ABCA1: variants seen among roughly 807,000 people sequenced by gnomAD.
ABCA1 encodes phospholipid-transporting ATPase ABCA1.
ABCA1 carries 133 observed loss-of-function variants against 262.5 expected under a neutral mutation model. The ratio of observed to expected loss-of-function variants is 0.51; its 90% CI spans 0.44 to 0.59. The LOEUF (loss-of-function observed/expected upper bound fraction) is 0.59. Among genes scored for constraint, ABCA1 ranks in the 20% least tolerant of loss-of-function variants. ABCA1 has a pLI of 0.00. For missense variants in ABCA1, 2,452 were observed against 2,777.5 expected, an observed-to-expected ratio of 0.88 and a Z score of 2.63; for synonymous variants, 1,022 against 1,043.5, an observed-to-expected ratio of 0.98 and a Z score of 0.40.
chr9:104,806,353 T>C lies in ABCA1; in HGVS notation c.4352A>G (p.Asn1451Ser). 6.2e-7 allele frequency: 1 copy of C among 1,614,152 alleles called. No individual in the cohort carries two copies. Among genetic ancestry groups the C allele is most frequent in the Non-Finnish European group, 8.5e-7 (1 of 1,180,028 alleles). Residue 1451 changes from asparagine to serine, a missense_variant, in exon 31 of 50, where the codon AAT becomes AGT. Physicochemically the swap from Asn to Ser is conservative, Grantham distance 46 (BLOSUM62 1). Coordinates refer to ENST00000374736, the MANE Select transcript of ABCA1 (RefSeq NM_005502.4). Reference sequence around the variant, plus strand: ...AGGGTTCTGCATTGTCCAGTTCCCATTCTGGAAGAGGTCCATGATGGTCTG... The same window carrying C: ...AGGGTTCTGCATTGTCCAGTTCCCACTCTGGAAGAGGTCCATGATGGTCTG... ...VPQTIMDLFQ[N>S]GNWTMQNPSP...
intron 1 of ABCA1, among the ~76,000 whole-genome samples, chr9:104,925,250 G>A (rs1213774915): frequency 1.3e-5 from 2 of 151,936 alleles, no homozygotes; most frequent in Non-Finnish European, 2.9e-5. Flanking sequence ...GGTGGCGTGC[G>A]CCTATAGTCC....
In ABCA1 at chr9:104,814,226, T is replaced by C. The variant is rs771808825; in HGVS notation, c.3793A>G (p.Thr1265Ala). Reference protein sequence around the residue: ...SGVDAETSDGTLPARRNRRAF... With the variant: ...SGVDAETSDGALPARRNRRAF... ...CGCCTGTTTCGTCTTGCTGGCAAGG[T>C]ACCATCTGAAGGCACAAGGAAAGAA... Residue 1265 changes from threonine (T) to alanine (A), a missense_variant, in exon 27 of 50, where the codon ACC becomes GCC. This residue lies in a region of ABCA1 where 665 missense variants were observed against 727.3 expected (regional missense o/e 0.91). Transcript: ENST00000374736. The C allele has an allele frequency of 1.2e-6, 2 of 1,614,092 alleles. No individual in the cohort carries two copies. The highest frequency in any genetic ancestry group is 2.7e-5 in the African/African-American group (2 of 74,940).
At chr9:104,879,169 AC>A (rs1838414222) in intron 5 of ABCA1, among the ~76,000 whole-genome samples, 3 of 152,288 alleles carry the variant, frequency 2.0e-5, no homozygotes, top group African/African-American at 7.2e-5. Flanking sequence ...TTGACAACTT[AC>A]CCCCATCAGC....
rs1470795266 is a variant in ABCA1, at chr9:104,796,206, A to T, written c.5238-9T>A. ...GAGGTGTGATTGACCACCTGTTGAG[A>T]CACAAAAAGATAAGTGTCTACTGAG... On this transcript the variant is annotated splice_polypyrimidine_tract_variant and intron_variant, in intron 38 of 49. Transcript: ENST00000374736. The T allele has an allele frequency of 6.2e-7, 1 of 1,614,018 alleles. No homozygotes were observed. Among genetic ancestry groups the T allele is most frequent in the Admixed American group, 1.7e-5 (1 of 59,990 alleles).
At chr9:104,822,031 G>A (rs1476274288) in intron 19 of ABCA1, among the ~76,000 whole-genome samples, 2 of 152,184 alleles carry the variant, frequency 1.3e-5, no homozygotes, top group Admixed American at 1.3e-4. Context: ...AAGCCACTGA[G>A]GCTAACGCTG....
rs115716567 is a variant in ABCA1, at chr9:104,907,928, T to C, written c.-92-4157A>G. Among the ~76,000 whole-genome samples the C allele has an allele frequency of 5.2e-3, 791 of 152,350 alleles. 9 individuals carry two copies. Among genetic ancestry groups the C allele is most frequent in the African/African-American group, 0.018 (751 of 41,578 alleles). On this transcript the variant is annotated intron_variant, in intron 1 of 49. Coordinates refer to ENST00000374736, the MANE Select transcript of ABCA1 (RefSeq NM_005502.4). Reference sequence around the variant, plus strand: ...AGCCTTGTTTCATACAGTTTGGGCATGGCAGAAGTGACTGCTGGAAACCTT... The same window carrying C: ...AGCCTTGTTTCATACAGTTTGGGCACGGCAGAAGTGACTGCTGGAAACCTT...
At chr9:104,853,590 G>C (rs1340314649) in intron 7 of ABCA1, among the ~76,000 whole-genome samples, 5 of 152,228 alleles carry the variant, frequency 3.3e-5, no homozygotes, top group Non-Finnish European at 5.9e-5. Context: ...TCAGTGCCTA[G>C]AACAGTGCTG....
rs763060795 is a variant in ABCA1, at chr9:104,821,441, C to T, written c.2894G>A (p.Arg965His). 11 of 1,613,964 alleles carry T rather than the reference C, an allele frequency of 6.8e-6. No homozygotes were observed. Among genetic ancestry groups the T allele is most frequent in the South Asian group, 1.1e-5 (1 of 91,084 alleles). The change falls in exon 20 of 50, where the codon CGC (arginine) becomes CAC (histidine). Residue 965 changes from arginine (R) to histidine (H), a missense_variant. Physicochemically the swap from Arg to His is conservative, Grantham distance 29 (BLOSUM62 0). This residue lies in a region of ABCA1 where 665 missense variants were observed against 727.3 expected (regional missense o/e 0.91). Transcript: ENST00000374736. ...CTGCCGGATGGTGCTCATCTCAGAG[C>T]GAATGTCTTTTCCCAGGATGTAGGC... Reference protein sequence around the residue: ...GTAYILGKDIRSEMSTIRQNL... With the variant: ...GTAYILGKDIHSEMSTIRQNL...
chr9:104,898,677 GTCT>G (rs1840421678), intron 2 of ABCA1, among the ~76,000 whole-genome samples: 1 of 152,100 alleles, frequency 6.6e-6, no homozygotes, highest in African/African-American at 2.4e-5. Flanking sequence ...TCCCCCGCCA[GTCT>G]TATTCACTCC....
At chr9:104,907,015 C>T (rs1271988538) in intron 1 of ABCA1, among the ~76,000 whole-genome samples, 1 of 152,116 alleles carries the variant, frequency 6.6e-6, no homozygotes, top group African/African-American at 2.4e-5. Context: ...CATGCCTCTC[C>T]CCGACTTAAA....
intron 30 of ABCA1, among the ~76,000 whole-genome samples, 158 bp downstream of exon 30, chr9:104,809,308 G>A (rs926538280): frequency 1.2e-4 from 19 of 152,236 alleles, no homozygotes; most frequent in African/African-American, 4.3e-4. Flanking sequence ...AATTTAGTTC[G>A]GTTACTACCT....
intron 20 of ABCA1, 120 bp from the exon 21 acceptor site, chr9:104,820,189 C>G (rs764212474): frequency 1.2e-4 from 158 of 1,280,228 alleles, no homozygotes; most frequent in Non-Finnish European, 1.7e-4. Flanking sequence ...TTTAAAATAA[C>G]TTTATCAATT....
At chr9:104,794,108 G>A (rs1233021531) in intron 40 of ABCA1, among the ~76,000 whole-genome samples, 1 of 152,168 alleles carries the variant, frequency 6.6e-6, no homozygotes, top group African/African-American at 2.4e-5. Flanking sequence ...CCCAGACAGT[G>A]GCATGAGCCA....
intron 2 of ABCA1, among the ~76,000 whole-genome samples, chr9:104,902,062 C>T (rs913594846): frequency 6.6e-6 from 1 of 152,026 alleles, no homozygotes; most frequent in African/African-American, 2.4e-5. Context: ...TTCAGGTTCC[C>T]CATTTGTAAC....
At position 104,903,735 on chromosome 9, in the gene ABCA1, C is replaced by A; in HGVS notation, c.-56G>T. The A allele has an allele frequency of 6.6e-7, 1 of 1,517,384 alleles. No individual in the cohort carries two copies. Among genetic ancestry groups the A allele is most frequent in the Non-Finnish European group, 9.0e-7 (1 of 1,115,782 alleles). 94.0% of individuals were successfully genotyped at this position (1,517,384 alleles called of 1,614,324 possible). On this transcript the variant is annotated 5_prime_UTR_variant, in exon 2 of 50. Coordinates refer to ENST00000374736, the MANE Select transcript of ABCA1 (RefSeq NM_005502.4). ...CTCGGGAGCCCTGGAAGGCAGCGGC[C>A]AGAGCTCACAGCAGGGACGCCGTGG...
chr9:104,882,931 CT>C, intron 5 of ABCA1, 107 bp downstream of exon 5: 1 of 1,152,492 alleles, frequency 8.7e-7, no homozygotes, highest in East Asian at 2.3e-5. Context: ...AGAAAAACCC[CT>C]TGGGGAAGAT....
Position 104,832,688 on chromosome 9 carries a change from C to G in ABCA1, c.1395G>C (p.Ala465=). The G allele has an allele frequency of 2.5e-6, 4 of 1,614,178 alleles. No individual in the cohort carries two copies. Among genetic ancestry groups the G allele is most frequent in the Non-Finnish European group, 3.4e-6 (4 of 1,180,038 alleles). Residue 465 remains alanine (A), a synonymous_variant, in exon 12 of 50, where the codon GCG becomes GCC. Transcript: ENST00000374736. ...GLDWTAQDIV[A]FLAKHPEDVQ... is the part of the protein sequence containing the mutation. ...CATCCTCTGGGTGCTTGGCCAAAAA[C>G]GCCACGATGTCTTGGGCTGTCCAAT...
chr9:104,824,662 G>T, intron 17 of ABCA1, 84 bp from the exon 18 acceptor site: 1 of 1,476,970 alleles, frequency 6.8e-7, no homozygotes, highest in Admixed American at 1.8e-5. Context: ...TTTCCTCCTT[G>T]ACACATCCTT....
At chr9:104,840,130 T>A in intron 9 of ABCA1, 149 bp downstream of exon 9, 1 of 1,349,460 alleles carries the variant, frequency 7.4e-7, no homozygotes, top group Non-Finnish European at 1.0e-6. Context: ...AAGAGAAGCC[T>A]CTCTCCTCTA....
Sources: allele counts gnomAD v4.1 joint callset (sites outside exome capture counted in the v4.1 genomes callset), GRCh38; gene constraint gnomAD v4.1.1; regional missense constraint gnomAD v4.1.1; transcripts MANE v1.5; gene names NCBI Gene and HGNC (gene_info 2026-07-23, HGNC 2026-07-21).